The following RBFOX1 variants were observed in gnomAD, a reference collection of about 807,000 sequenced individuals.
The protein encoded by RBFOX1 is RNA binding fox-1 homolog 1.
A neutral mutation model predicts 57.7 loss-of-function variants in RBFOX1; 8 were observed. The observed-to-expected ratio is 0.14, with a 90% CI of 0.08 to 0.25. The LOEUF is 0.25. RBFOX1 is among the 10% of genes least tolerant of loss of function. RBFOX1 has a pLI of 1.00. For synonymous variants in RBFOX1, 326 were observed against 222.4 expected (o/e 1.47, Z -4.15); for missense variants, 611 against 548.5 (o/e 1.11, Z -1.14).
intron 3 of RBFOX1, among the ~76,000 whole-genome samples, chr16:6,892,213 A>G (rs1036980897): frequency 6.6e-6 from 1 of 152,114 alleles, no homozygotes; most frequent in African/African-American, 2.4e-5. Context: ...GCCAAGCAGA[A>G]CTTCCCCAGA....
chr16:7,488,295 C>T (rs1292300201), intron 4 of RBFOX1, among the ~76,000 whole-genome samples: 1 of 152,162 alleles, frequency 6.6e-6, no homozygotes, highest in East Asian at 1.9e-4. Context: ...TTCCCTTTCT[C>T]ACTCTGCATT....
chr16:6,749,494 A>G (rs1436034951), intron 3 of RBFOX1, among the ~76,000 whole-genome samples: 1 of 152,142 alleles, frequency 6.6e-6, no homozygotes, highest in Admixed American at 6.6e-5. Flanking sequence ...CCCACTTTCC[A>G]GATAAGGATA....
At chr16:7,198,725 A>T (rs577271145) in intron 4 of RBFOX1, among the ~76,000 whole-genome samples, 1 of 152,198 alleles carries the variant, frequency 6.6e-6, no homozygotes, top group Admixed American at 6.5e-5. Context: ...CTGCAGCAGT[A>T]ATGACTTTAT....
At chr16:7,010,545 T>C (rs535925998) in intron 3 of RBFOX1, among the ~76,000 whole-genome samples, 52 of 151,698 alleles carry the variant, frequency 3.4e-4, no homozygotes, top group African/African-American at 1.2e-3. Context: ...CCCTTTTTTT[T>C]TTGTTTGTTT....
At chr16:5,615,874 A>C (rs895916829) in intron 3 of RBFOX1, among the ~76,000 whole-genome samples, 1 of 152,046 alleles carries the variant, frequency 6.6e-6, no homozygotes, top group Non-Finnish European at 1.5e-5. Flanking sequence ...TTTCTCCCCA[A>C]TTATTTGTGG....
chr16:7,608,267 C>T (rs895273935), intron 10 of RBFOX1, among the ~76,000 whole-genome samples: 5 of 152,192 alleles, frequency 3.3e-5, no homozygotes, highest in Non-Finnish European at 5.9e-5. Context: ...TTGTCATTTT[C>T]CTAATACTGA....
At chr16:5,408,405 G>T (rs926641228) in intron 1 of RBFOX1, among the ~76,000 whole-genome samples, 15 of 152,140 alleles carry the variant, frequency 9.9e-5, no homozygotes, top group African/African-American at 3.4e-4. Context: ...GCATGGGAGG[G>T]TGCCGCGGTA....
At chr16:6,491,233 GTTTAA>G (rs1217862997) in intron 2 of RBFOX1, among the ~76,000 whole-genome samples, 1 of 150,994 alleles carries the variant, frequency 6.6e-6, no homozygotes, top group Admixed American at 6.6e-5. Context: ...TATATATATA[GTTTAA>G]TTGATGAAAG....
chr16:6,369,459 A>T (rs2090126450), intron 2 of RBFOX1, among the ~76,000 whole-genome samples: 2 of 152,208 alleles, frequency 1.3e-5, no homozygotes, highest in African/African-American at 4.8e-5. Flanking sequence ...CAGTGCAACC[A>T]CTCATTATTC....
At chr16:7,040,524 T>G (rs1158768800) in intron 3 of RBFOX1, among the ~76,000 whole-genome samples, 3 of 152,302 alleles carry the variant, frequency 2.0e-5, no homozygotes, top group Non-Finnish European at 4.4e-5. Context: ...TATAACAGAA[T>G]CCAAGATTAA....
intron 4 of RBFOX1, among the ~76,000 whole-genome samples, chr16:5,894,998 G>C (rs955355836): frequency 6.6e-6 from 1 of 151,810 alleles, no homozygotes; most frequent in African/African-American, 2.4e-5. Context: ...ACTCCAGCCT[G>C]GGCAACAGAG....
chr16:7,601,450 T>C (rs1345418190), intron 9 of RBFOX1, among the ~76,000 whole-genome samples: 2 of 152,198 alleles, frequency 1.3e-5, no homozygotes, highest in Admixed American at 6.5e-5. Context: ...TTTATTGTCA[T>C]GGGTAGTTGA....
rs780810115 is a variant in RBFOX1 at position 6,734,248 on chromosome 16, C to G, written c.-16+79598C>G. 4.6e-5 allele frequency among the ~76,000 whole-genome samples: 7 copies of G among 152,162 alleles called. No homozygotes were observed. In the South Asian group the frequency reaches 1.0e-3, roughly 22 times the overall value. On this transcript the variant is annotated intron_variant, in intron 3 of 15. Coordinates refer to ENST00000550418, the MANE Select transcript of RBFOX1 (RefSeq NM_018723.4). ...CCTCTGTCCAACTCCCATTGAATAT[C>G]TATGAATGCCCTTTGTTAAGCAGTG... is the stretch of plus-strand genomic sequence containing the variant.
At chr16:5,343,406 C>A (rs2065075076) in intron 1 of RBFOX1, among the ~76,000 whole-genome samples, 1 of 150,952 alleles carries the variant, frequency 6.6e-6, no homozygotes, top group Non-Finnish European at 1.5e-5. Flanking sequence ...GCTCTATCTC[C>A]CAGGTTCACA....
chr16:6,928,638 C>G (rs1321805079), intron 3 of RBFOX1, among the ~76,000 whole-genome samples: 1 of 152,170 alleles, frequency 6.6e-6, no homozygotes, highest in Admixed American at 6.5e-5. Context: ...AGCAGCCTTG[C>G]ATTCATGTGG....
rs576537129 is a variant in RBFOX1 at position 7,232,198 on chromosome 16, A to G, written c.27+180100A>G. 1.7e-4 allele frequency among the ~76,000 whole-genome samples: 26 copies of G among 152,170 alleles called. No individual in the cohort carries two copies. In the South Asian group the frequency reaches 5.2e-3, roughly 30 times the overall value. On this transcript the variant is annotated intron_variant, in intron 4 of 15. Transcript: ENST00000550418. ...ACCACCAGGCCCAACTAATTTTTGTATTTTTATGAGAGACGGGGTTTCACC... is the reference window on the plus strand; with the variant it reads ...ACCACCAGGCCCAACTAATTTTTGTGTTTTTATGAGAGACGGGGTTTCACC...
At chr16:6,173,448 C>G (rs1399511987) in intron 1 of RBFOX1, among the ~76,000 whole-genome samples, 1 of 152,110 alleles carries the variant, frequency 6.6e-6, no homozygotes, top group Non-Finnish European at 1.5e-5. Context: ...TACAAACACA[C>G]ATGTGTGCAT....
chr16:6,918,935 C>A (rs796910685), intron 3 of RBFOX1, among the ~76,000 whole-genome samples: 15 of 152,118 alleles, frequency 9.9e-5, no homozygotes, highest in African/African-American at 3.6e-4. Context: ...TACGCAGGGT[C>A]CTATTTCAAA....
intron 5 of RBFOX1, among the ~76,000 whole-genome samples, chr16:7,550,655 T>G (rs1567784247): frequency 6.6e-6 from 1 of 152,148 alleles, no homozygotes; most frequent in African/African-American, 2.4e-5. Context: ...TAGAAATTTC[T>G]AGAATAGGTA....
Sources: gnomAD v4.1 joint callset for allele counts (sites outside exome capture counted in the v4.1 genomes callset) on GRCh38, gnomAD v4.1.1 for gene constraint, MANE v1.5 for transcripts, NCBI Gene and HGNC (gene_info 2026-07-23, HGNC 2026-07-21) for gene names.